Variants in CLCC1 observed in about 807,000 individuals in gnomAD.
The protein encoded by CLCC1 is chloride channel CLIC-like protein 1.
In CLCC1, 39 loss-of-function variants were observed where a neutral mutation model predicts 63.3. The ratio of observed to expected loss-of-function variants is 0.62; its 90% CI spans 0.48 to 0.81. The LOEUF is 0.81. CLCC1 is among the 30% of genes least tolerant of loss of function. The probability of loss-of-function intolerance (pLI) is 0.00; values close to 1 mark genes in which losing one functional copy is unlikely to be tolerated. For missense variants in CLCC1, 549 were observed against 669.4 expected, an observed-to-expected ratio of 0.82 and a Z score of 1.98; for synonymous variants, 217 against 239.8, an observed-to-expected ratio of 0.90 and a Z score of 0.88.
At chr1:108,937,729 T>C (rs576886855) in intron 10 of CLCC1, among the ~76,000 whole-genome samples, 1 of 152,364 alleles carries the variant, frequency 6.6e-6, no homozygotes, top group South Asian at 2.1e-4. Context: ...CTGATAATTA[T>C]TCATGTTTCT....
chr1:108,954,448 C>T lies in CLCC1; in HGVS notation c.-11-4000G>A, dbSNP rs572349670. Among the ~76,000 whole-genome samples the T allele has an allele frequency of 6.0e-5, 9 of 151,030 alleles. 1 individual carries two copies. The highest frequency in any genetic ancestry group is 4.6e-4 in the Admixed American group (7 of 15,232). ...GTGGGGGACGGAGGCTGCAGTGAGC[C>T]GAGATCGTGCCACTTCACTCCAGCC... On this transcript the variant is annotated intron_variant, in intron 2 of 12. Transcript: ENST00000369969.
chr1:108,934,724 T>G lies in CLCC1; in HGVS notation c.1602A>C (p.Ala534=), dbSNP rs1233214077. 1.2e-6 allele frequency: 2 copies of G among 1,613,998 alleles called. No individual in the cohort carries two copies. The highest frequency in any genetic ancestry group is 1.7e-6 in the Non-Finnish European group (2 of 1,180,048). Residue 534 remains alanine, a synonymous_variant, in exon 12 of 13, where the codon GCA becomes GCC. Transcript: ENST00000369969. ...GTCCACGTGGTCCAGCCACACCTCTTGCGGGGCTGTATGTGCTGCCTTGGT... is the reference window on the plus strand; with the variant it reads ...GTCCACGTGGTCCAGCCACACCTCTGGCGGGGCTGTATGTGCTGCCTTGGT... ...SPDQGSTYSP[A]RGVAGPRGQD...
intron 2 of CLCC1, among the ~76,000 whole-genome samples, chr1:108,955,790 C>G (rs1206567371): frequency 6.6e-6 from 1 of 151,516 alleles, no homozygotes; most frequent in African/African-American, 2.5e-5. Flanking sequence ...TGTCACTGGA[C>G]ATCAGAACTC....
In CLCC1 at chr1:108,931,716, A is replaced by T. The variant is rs1018202965; in HGVS notation, c.*831T>A. The T allele has an allele frequency of 9.3e-6, 4 of 432,096 alleles. No homozygotes were observed. Among genetic ancestry groups the T allele is most frequent in the Non-Finnish European group, 1.4e-5 (4 of 278,172 alleles). 26.8% of individuals were successfully genotyped at this position (432,096 alleles called of 1,614,324 possible). A position where few individuals can be genotyped will look rare whatever the true frequency, so the allele number is the denominator to read the frequency against. ...GGTATGATGTCCTGGATAGCATTTT[A>T]AAAACTCAGGTAAGTTTCATGGGGT... is the stretch of plus-strand genomic sequence containing the variant. On this transcript the variant is annotated 3_prime_UTR_variant, in exon 13 of 13. Coordinates refer to ENST00000369969, the MANE Select transcript of CLCC1 (RefSeq NM_001377458.1).
chr1:108,948,412 T>C lies in CLCC1; in HGVS notation c.232-694A>G, dbSNP rs839545. ...GGCAAGTCGCTGAGGGTAGTGGGTATTTTTCAAACATTAGAATAACTTTGT... is the reference window on the plus strand; with the variant it reads ...GGCAAGTCGCTGAGGGTAGTGGGTACTTTTCAAACATTAGAATAACTTTGT... On this transcript the variant is annotated intron_variant, in intron 4 of 12. Transcript: ENST00000369969. Among the ~76,000 whole-genome samples, 4 of 146,722 alleles carry C rather than the reference T, an allele frequency of 2.7e-5. No homozygotes were observed. The East Asian group carries it at 7.9e-4, about 29-fold the overall frequency.
intron 5 of CLCC1, among the ~76,000 whole-genome samples, chr1:108,946,374 C>T (rs927884789): frequency 6.6e-6 from 1 of 151,814 alleles, no homozygotes; most frequent in African/African-American, 2.4e-5. Flanking sequence ...TTTTTGGTTC[C>T]ATCTGTTTCC....
In CLCC1 at chr1:108,944,071, A is replaced by T. The variant is rs1268373978; in HGVS notation, c.340-14T>A. On this transcript the variant is annotated splice_polypyrimidine_tract_variant and intron_variant, in intron 5 of 12. Transcript: ENST00000369969. ...GTTTTCATCAGGCTAAATTAAATTT[A>T]CCAAAAAACAAACAATAGAAAGAGA... The T allele has an allele frequency of 3.9e-6, 6 of 1,541,986 alleles. No individual in the cohort carries two copies. The South Asian group carries it at 7.3e-5, about 19-fold the overall frequency.
chr1:108,955,755 T>C (rs1655804557), intron 2 of CLCC1, among the ~76,000 whole-genome samples: 1 of 151,524 alleles, frequency 6.6e-6, no homozygotes, highest in African/African-American at 2.5e-5. Flanking sequence ...TTTTCTCTCC[T>C]GGAGCAGGGA....
chr1:108,941,363 GA>G (rs1230934985), intron 8 of CLCC1, 41 bp downstream of exon 8: 2 of 1,519,794 alleles, frequency 1.3e-6, no homozygotes, highest in African/African-American at 2.8e-5. Context: ...TTCATTCTCA[GA>G]ATTTCTATTC....
chr1:108,948,406 T>C (rs839544), intron 4 of CLCC1, among the ~76,000 whole-genome samples: 47,968 of 151,938 alleles, frequency 0.32, 7,769 homozygotes, highest in East Asian at 0.39. Context: ...CTGAGGGTAG[T>C]GGGTATTTTT....
Position 108,943,931 on chromosome 1 carries a change from T to A in CLCC1, c.466A>T (p.Ser156Cys), listed in dbSNP as rs77959993. ...AACTTAAAATTAATTAAAATATCACTTAGTGCATCATCCAAGGCACCTGGT... is the reference window on the plus strand; with the variant it reads ...AACTTAAAATTAATTAAAATATCACATAGTGCATCATCCAAGGCACCTGGT... ...WKPGALDDAL[S>C]DILINFKFHD... Residue 156 changes from serine (S) to cysteine (C), a missense_variant, in exon 6 of 13, where the codon AGT (serine) becomes TGT (cysteine). Coordinates refer to ENST00000369969, the MANE Select transcript of CLCC1 (RefSeq NM_001377458.1). 6.2e-7 allele frequency: 1 copy of A among 1,612,804 alleles called. No individual in the cohort carries two copies.
At chr1:108,960,934 T>G (rs78515893) in intron 2 of CLCC1, among the ~76,000 whole-genome samples, 1 of 152,060 alleles carries the variant, frequency 6.6e-6, no homozygotes, top group African/African-American at 2.4e-5. Flanking sequence ...AGGATCCCCC[T>G]GCCCGCCGCC....
rs1470677757 is a variant in CLCC1 at position 108,931,561 on chromosome 1, C to CTAT, written c.*983_*985dup. On this transcript the variant is annotated 3_prime_UTR_variant, in exon 13 of 13. Coordinates refer to ENST00000369969, the MANE Select transcript of CLCC1 (RefSeq NM_001377458.1). ...AGGTGATTTGGATGGGCAAATAGAACTATTTCTCTAATGGCCAATGTTTTT... is the reference window on the plus strand; with the variant it reads ...AGGTGATTTGGATGGGCAAATAGAACTATTATTTCTCTAATGGCCAATGTTTTT... 7 of 1,456,340 alleles carry CTAT rather than the reference C, an allele frequency of 4.8e-6. No individual in the cohort carries two copies. The East Asian group carries it at 7.9e-5, about 16-fold the overall frequency. The allele number at this position is 1,456,340 out of a possible 1,614,324, so 90.2% of individuals were successfully genotyped here. A position where few individuals can be genotyped will look rare whatever the true frequency, so the allele number is the denominator to read the frequency against.
rs1655031791 is a variant in CLCC1 at position 108,950,368 on chromosome 1, T to C, written c.70A>G (p.Ile24Val). 1.2e-6 allele frequency: 2 copies of C among 1,613,356 alleles called. No individual in the cohort carries two copies. The highest frequency in any genetic ancestry group is 3.3e-5 in the Admixed American group (2 of 59,968). Reference sequence around the variant, plus strand: ...TAGTTAAGCATGTCTGTGGGGTCAATCCAGTCATCATCATGAGCATAACCA... The same window carrying C: ...TAGTTAAGCATGTCTGTGGGGTCAACCCAGTCATCATCATGAGCATAACCA... ...VAGYAHDDDW[I>V]DPTDMLNYDA... Residue 24 changes from isoleucine to valine, a missense_variant, in exon 3 of 13, where the codon ATT (isoleucine) becomes GTT (valine). By Grantham distance (29) the Ile-to-Val change is conservative. Transcript: ENST00000369969.
rs1301540175 is a variant in CLCC1 at position 108,936,331 on chromosome 1, C to CA, written c.1383+745dup. 3.3e-5 allele frequency among the ~76,000 whole-genome samples: 5 copies of CA among 152,070 alleles called. 1 individual carries two copies. The highest frequency in any genetic ancestry group is 4.2e-4 in the South Asian group (2 of 4,816). ...AGGCTGGTCTTGAACTGCAGACCTC[C>CA]AGTGATCCGCCTGCCTCGGCCTCCC... On this transcript the variant is annotated intron_variant, in intron 11 of 12. Coordinates refer to ENST00000369969, the MANE Select transcript of CLCC1 (RefSeq NM_001377458.1).
intron 11 of CLCC1, among the ~76,000 whole-genome samples, chr1:108,936,185 T>C (rs1044054678): frequency 1.7e-4 from 22 of 131,964 alleles, no homozygotes; most frequent in African/African-American, 6.0e-4. Context: ...CTCCGCCCCC[T>C]GGAATCAAGC....
rs1238606008 is a variant in CLCC1 at position 108,931,148 on chromosome 1, C to CTAAG, written c.*1395_*1398dup. 5 of 613,132 alleles carry CTAAG rather than the reference C, an allele frequency of 8.2e-6. No individual in the cohort carries two copies. Among genetic ancestry groups the CTAAG allele is most frequent in the Admixed American group, 3.6e-5 (1 of 28,156 alleles). The allele number at this position is 613,132 out of a possible 1,614,324, so 38.0% of individuals were successfully genotyped here. On this transcript the variant is annotated 3_prime_UTR_variant, in exon 13 of 13. Coordinates refer to ENST00000369969, the MANE Select transcript of CLCC1 (RefSeq NM_001377458.1). ...TAATACTGCTGTAAAACAAACTTTT[C>CTAAG]TAAGTTCTAATATAAAAACAAAAAA...
rs957487710 is a variant in CLCC1, at chr1:108,937,564, T to C, written c.1042-146A>G. 2.1e-5 allele frequency: 14 copies of C among 681,838 alleles called. No homozygotes were observed. The African/African-American group carries it at 2.6e-4, about 13-fold the overall frequency. The allele number at this position is 681,838 out of a possible 1,614,324, so 42.2% of individuals were successfully genotyped here. ...ACATAAACATGTTAATTTGACTTTT[T>C]TTCATTAGAGACCTCTTTAGATTAA... On this transcript the variant is annotated intron_variant, in intron 10 of 12. Coordinates refer to ENST00000369969, the MANE Select transcript of CLCC1 (RefSeq NM_001377458.1).
chr1:108,961,039 A>G (rs753959762), intron 2 of CLCC1, among the ~76,000 whole-genome samples: 3 of 152,134 alleles, frequency 2.0e-5, no homozygotes, highest in Non-Finnish European at 2.9e-5. Flanking sequence ...TACTATTGGC[A>G]ACTATGTTAC....
Sources: gnomAD v4.1 joint callset for allele counts (sites outside exome capture counted in the v4.1 genomes callset) on GRCh38, gnomAD v4.1.1 for gene constraint, MANE v1.5 for transcripts, NCBI Gene and HGNC (gene_info 2026-07-23, HGNC 2026-07-21) for gene names.